Variants in XKR6 observed in about 807,000 individuals in gnomAD.
The protein encoded by XKR6 is XK-related protein 6.
In XKR6, 22 loss-of-function variants were observed where a neutral mutation model predicts 56.7. The ratio of observed to expected loss-of-function variants is 0.39; its 90% confidence interval spans 0.28 to 0.55. The LOEUF is 0.55. Ranked by LOEUF, XKR6 falls within the 20% of genes least tolerant of loss-of-function variation. The pLI, the probability that XKR6 is intolerant of heterozygous loss-of-function variation, is 0.66. For missense variants in XKR6, 852 were observed against 889.0 expected (o/e 0.96, Z 0.53); for synonymous variants, 524 against 387.8 (o/e 1.35, Z -4.13).
rs1405871050 is a variant in XKR6, at chr8:11,062,297, G to A, written c.765-137467C>T. ...GCCAGAGAGTGGGGAGGAGCTGCAG[G>A]CTTCTCAAAAGACCCAGGGGGCCAA... On this transcript the variant is annotated intron_variant, in intron 1 of 2. Transcript: ENST00000416569. Among the ~76,000 whole-genome samples, 5 of 151,996 alleles carry A rather than the reference G, an allele frequency of 3.3e-5. No homozygotes were observed. The South Asian group carries it at 8.3e-4, about 25-fold the overall frequency.
At chr8:11,189,555 T>C (rs1299755696) in intron 1 of XKR6, among the ~76,000 whole-genome samples, 1 of 152,160 alleles carries the variant, frequency 6.6e-6, no homozygotes, top group African/African-American at 2.4e-5. Context: ...TTTTATCCAT[T>C]CCGCCCCTCT....
intron 1 of XKR6, among the ~76,000 whole-genome samples, chr8:11,059,436 G>T (rs1189505272): frequency 6.6e-6 from 1 of 151,722 alleles, no homozygotes; most frequent in Non-Finnish European, 1.5e-5. Context: ...GCAGCGCTCA[G>T]CTCCGCGTCC....
chr8:11,023,025 G>T (rs1798781194), intron 1 of XKR6, among the ~76,000 whole-genome samples: 1 of 152,110 alleles, frequency 6.6e-6, no homozygotes, highest in Non-Finnish European at 1.5e-5. Context: ...GGTATCTGTC[G>T]AGGCAATTTC....
intron 1 of XKR6, among the ~76,000 whole-genome samples, chr8:11,132,390 G>C (rs1472103546): frequency 6.6e-6 from 1 of 150,898 alleles, no homozygotes; most frequent in Non-Finnish European, 1.5e-5. Context: ...ACGGAATCTT[G>C]CTCTGTCACC....
intron 1 of XKR6, among the ~76,000 whole-genome samples, chr8:11,014,008 G>T (rs969547748): frequency 6.6e-6 from 1 of 152,154 alleles, no homozygotes; most frequent in Admixed American, 6.5e-5. Flanking sequence ...GCCTTTACTC[G>T]CACGGCAGAC....
At chr8:11,100,557 T>G (rs1798432159) in intron 1 of XKR6, among the ~76,000 whole-genome samples, 2 of 152,228 alleles carry the variant, frequency 1.3e-5, no homozygotes, top group African/African-American at 4.8e-5. Flanking sequence ...ACTGAGCAAC[T>G]GTAAGTGTGC....
At chr8:11,029,929 T>C (rs538898569) in intron 1 of XKR6, among the ~76,000 whole-genome samples, 30 of 152,330 alleles carry the variant, frequency 2.0e-4, no homozygotes, top group African/African-American at 7.0e-4. Context: ...TAACAGTCTA[T>C]GTGGTGTCCA....
intron 1 of XKR6, among the ~76,000 whole-genome samples, chr8:11,198,561 T>G (rs928012853): frequency 6.6e-6 from 1 of 151,924 alleles, no homozygotes; most frequent in Non-Finnish European, 1.5e-5. Context: ...AAAGCTAAAT[T>G]GACATTTTAA....
chr8:11,004,031 G>A (rs950219916), intron 1 of XKR6, among the ~76,000 whole-genome samples: 26 of 152,208 alleles, frequency 1.7e-4, no homozygotes, highest in Admixed American at 8.5e-4. Context: ...CATCACAAGA[G>A]TGAGTGAGCA....
At chr8:11,196,914 G>A (rs897036262) in intron 1 of XKR6, among the ~76,000 whole-genome samples, 2 of 152,172 alleles carry the variant, frequency 1.3e-5, no homozygotes, top group African/African-American at 4.8e-5. Context: ...CAGGAGGGCA[G>A]GGGAGTGATT....
chr8:11,036,342 A>T (rs531349892), intron 1 of XKR6, among the ~76,000 whole-genome samples: 1 of 152,330 alleles, frequency 6.6e-6, no homozygotes, highest in East Asian at 1.9e-4. Context: ...GTCTCAGATG[A>T]GAGGTGGGAG....
intron 1 of XKR6, chr8:11,195,298 G>C (rs1001519272): frequency 1.6e-6 from 1 of 613,790 alleles, no homozygotes; most frequent in African/African-American, 1.9e-5. Flanking sequence ...CATTCTTTTA[G>C]CATTTCTGTT....
chr8:10,931,503 G>C (rs1006084787), intron 1 of XKR6, among the ~76,000 whole-genome samples: 6 of 152,030 alleles, frequency 3.9e-5, no homozygotes, highest in Admixed American at 3.9e-4. Context: ...CACACTACTC[G>C]ATTTTAGGAT....
intron 1 of XKR6, among the ~76,000 whole-genome samples, chr8:10,948,445 T>G (rs1471204085): frequency 6.6e-6 from 1 of 151,808 alleles, no homozygotes; most frequent in Non-Finnish European, 1.5e-5. Flanking sequence ...CCTGGCTGAG[T>G]GGCCTCAGGA....
intron 2 of XKR6, among the ~76,000 whole-genome samples, chr8:10,902,071 G>A (rs1366171060): frequency 6.6e-6 from 1 of 152,120 alleles, no homozygotes; most frequent in African/African-American, 2.4e-5. Context: ...TCATGGCAGT[G>A]GTGCTGAAAC....
At chr8:11,136,566 G>C (rs1800413918) in intron 1 of XKR6, among the ~76,000 whole-genome samples, 1 of 151,604 alleles carries the variant, frequency 6.6e-6, no homozygotes, top group Admixed American at 6.6e-5. Flanking sequence ...GGTACTTACA[G>C]GTAGGGCCTT....
intron 1 of XKR6, among the ~76,000 whole-genome samples, chr8:11,058,638 G>A (rs564046865): frequency 1.3e-5 from 2 of 152,168 alleles, no homozygotes; most frequent in Non-Finnish European, 2.9e-5. Context: ...GCTGAACAAT[G>A]AGAACAGATG....
At chr8:11,161,757 G>A (rs755176746) in intron 1 of XKR6, among the ~76,000 whole-genome samples, 4 of 151,646 alleles carry the variant, frequency 2.6e-5, no homozygotes, top group Non-Finnish European at 5.9e-5. Flanking sequence ...TCTTATTATT[G>A]GTATTTTAAT....
intron 1 of XKR6, chr8:11,123,333 G>T (rs562693115): frequency 6.5e-6 from 1 of 152,712 alleles, no homozygotes; most frequent in South Asian, 2.1e-4. Flanking sequence ...ACAACAATCT[G>T]GTTATGGACC....
Sources: allele counts gnomAD v4.1 joint callset (sites outside exome capture counted in the v4.1 genomes callset), GRCh38; gene constraint gnomAD v4.1.1; transcripts MANE v1.5; gene names NCBI Gene and HGNC (gene_info 2026-07-23, HGNC 2026-07-21).